ALG14: variants seen among roughly 807,000 people sequenced by gnomAD.
ALG14 encodes the protein UDP-N-acetylglucosamine transferase subunit ALG14.
ALG14 carries 17 observed loss-of-function variants against 22.8 expected under a neutral mutation model. The observed-to-expected ratio is 0.75, with a 90% confidence interval of 0.51 to 1.12. The LOEUF (loss-of-function observed/expected upper bound fraction) is 1.12. ALG14 is among the 50% of genes most tolerant of loss of function. The pLI is 0.00. For missense variants in ALG14, 288 were observed against 271.8 expected, an observed-to-expected ratio of 1.06 and a Z score of -0.42; for synonymous variants, 89 against 103.7, an observed-to-expected ratio of 0.86 and a Z score of 0.86.
rs1284320178 is a variant in ALG14, at chr1:94,980,236, T to C, written c.*2840A>G. ...GGACATCTTGCTATTCAACTCACAATTGTCACCACTCCTCTTGTTGACACG... is the reference window on the plus strand; with the variant it reads ...GGACATCTTGCTATTCAACTCACAACTGTCACCACTCCTCTTGTTGACACG... On this transcript the variant is annotated 3_prime_UTR_variant, in exon 4 of 4. Coordinates refer to ENST00000370205, the MANE Select transcript of ALG14 (RefSeq NM_144988.4). 6.6e-6 allele frequency: 1 copy of C among 152,172 alleles called. No homozygotes were observed. The highest frequency in any genetic ancestry group is 1.9e-4 in the East Asian group (1 of 5,188). 9.4% of individuals were successfully genotyped at this position (152,172 alleles called of 1,614,324 possible).
At chr1:95,001,238 AG>A (rs1208182362) in intron 3 of ALG14, among the ~76,000 whole-genome samples, 1 of 152,198 alleles carries the variant, frequency 6.6e-6, no homozygotes, top group Non-Finnish European at 1.5e-5. Context: ...CAGTGAGTTT[AG>A]GAGGACAGAT....
chr1:95,030,771 G>A (rs1003097946), intron 2 of ALG14, among the ~76,000 whole-genome samples: 3 of 152,158 alleles, frequency 2.0e-5, no homozygotes, highest in East Asian at 1.9e-4. Context: ...AGACCTGGAC[G>A]TGGAAGAAAG....
At chr1:94,983,692 A>C (rs1672561113) in intron 3 of ALG14, 1 of 178,084 alleles carries the variant, frequency 5.6e-6, no homozygotes, top group African/African-American at 2.4e-5. Context: ...TGTTTTCTTT[A>C]ATGTACCAAC....
At chr1:94,990,451 C>A (rs1372702916) in intron 3 of ALG14, among the ~76,000 whole-genome samples, 1 of 152,210 alleles carries the variant, frequency 6.6e-6, no homozygotes, top group Admixed American at 6.5e-5. Context: ...CAAATAAATT[C>A]TAAACCCTCG....
chr1:95,031,152 T>C (rs1320101079), intron 2 of ALG14, among the ~76,000 whole-genome samples: 3 of 152,158 alleles, frequency 2.0e-5, no homozygotes, highest in Non-Finnish European at 2.9e-5. Flanking sequence ...CCTACACTTG[T>C]TGTCTCAGCA....
At chr1:95,001,740 C>T (rs2100736189) in intron 3 of ALG14, among the ~76,000 whole-genome samples, 1 of 152,314 alleles carries the variant, frequency 6.6e-6, no homozygotes, top group East Asian at 1.9e-4. Flanking sequence ...AAGTGATCCA[C>T]CCGCCTTGGC....
chr1:95,040,612 G>T (rs942317300), intron 2 of ALG14, among the ~76,000 whole-genome samples: 2 of 152,188 alleles, frequency 1.3e-5, no homozygotes, highest in Non-Finnish European at 2.9e-5. Flanking sequence ...ACAAAAGGAA[G>T]GACGTAGGGA....
At chr1:95,038,292 C>A (rs1674263278) in intron 2 of ALG14, among the ~76,000 whole-genome samples, 1 of 152,158 alleles carries the variant, frequency 6.6e-6, no homozygotes, top group Non-Finnish European at 1.5e-5. Flanking sequence ...GTTTTGAGAC[C>A]ATCCTGGCCA....
chr1:95,008,456 ATAAAT>A (rs1184145572), intron 3 of ALG14, among the ~76,000 whole-genome samples: 1 of 152,238 alleles, frequency 6.6e-6, no homozygotes, highest in African/African-American at 2.4e-5. Context: ...AATTATTCAA[ATAAAT>A]TTAAGATGAA....
rs570596361 is a variant in ALG14, at chr1:95,011,714, C to A, written c.420+15415G>T. Among the ~76,000 whole-genome samples the A allele has an allele frequency of 2.8e-4, 42 of 151,964 alleles. No homozygotes were observed. In the South Asian group the frequency reaches 3.5e-3, roughly 13 times the overall value. On this transcript the variant is annotated intron_variant, in intron 3 of 3. Coordinates refer to ENST00000370205, the MANE Select transcript of ALG14 (RefSeq NM_144988.4). ...ACAGGTGTGAGCCGCCGTGCCCAGCCGAAAAATAAATTTCTATTGTTAATA... is the reference window on the plus strand; with the variant it reads ...ACAGGTGTGAGCCGCCGTGCCCAGCAGAAAAATAAATTTCTATTGTTAATA...
intron 3 of ALG14, among the ~76,000 whole-genome samples, chr1:95,021,698 T>C (rs933961299): frequency 1.5e-4 from 23 of 152,192 alleles, no homozygotes; most frequent in African/African-American, 5.1e-4. Flanking sequence ...AAGGCTTCCC[T>C]TCTCTTCACC....
intron 3 of ALG14, among the ~76,000 whole-genome samples, chr1:94,996,889 G>A (rs564801919): frequency 2.0e-4 from 31 of 152,136 alleles, no homozygotes; most frequent in African/African-American, 7.0e-4. Context: ...ACCGTTGTTG[G>A]CCAGGCTGGT....
At chr1:95,040,172 AAAATAAATAAATAAAT>A (rs66956744) in intron 2 of ALG14, among the ~76,000 whole-genome samples, 4 of 143,218 alleles carry the variant, frequency 2.8e-5, no homozygotes, top group South Asian at 2.3e-4. Context: ...ACCCTGTCTC[AAAATAAATAAATAAAT>A]AAATAAATAA....
At chr1:94,990,546 C>A (rs1672745955) in intron 3 of ALG14, among the ~76,000 whole-genome samples, 1 of 152,148 alleles carries the variant, frequency 6.6e-6, no homozygotes, top group Non-Finnish European at 1.5e-5. Flanking sequence ...GTGTATACAG[C>A]ATTTTGGGGT....
chr1:95,058,502 G>A lies in ALG14; in HGVS notation c.288+6364C>T, dbSNP rs1435061540. 3.4e-5 allele frequency among the ~76,000 whole-genome samples: 5 copies of A among 147,510 alleles called. No homozygotes were observed. The East Asian group carries it at 1.1e-3, about 32-fold the overall frequency. On this transcript the variant is annotated intron_variant, in intron 2 of 3. Transcript: ENST00000370205. ...CGCCGTGGCACATGCCTGTAATCCC[G>A]ACTACTTGGGAGGCTGAGTCAGGAG...
chr1:95,046,575 G>A (rs1674563218), intron 2 of ALG14, among the ~76,000 whole-genome samples: 1 of 152,238 alleles, frequency 6.6e-6, no homozygotes, highest in Non-Finnish European at 1.5e-5. Context: ...GAATGCTAGA[G>A]TGGGCAAGGG....
At chr1:95,057,892 G>T (rs1389851232) in intron 2 of ALG14, among the ~76,000 whole-genome samples, 1 of 151,814 alleles carries the variant, frequency 6.6e-6, no homozygotes, top group Non-Finnish European at 1.5e-5. Context: ...TGCTGGAAGA[G>T]AATGGAATAG....
intron 2 of ALG14, among the ~76,000 whole-genome samples, chr1:95,031,716 G>A (rs772244135): frequency 1.3e-5 from 2 of 151,246 alleles, no homozygotes; most frequent in Non-Finnish European, 1.5e-5. Context: ...CTTTCTGTGT[G>A]CTTTAAAATA....
intron 1 of ALG14, among the ~76,000 whole-genome samples, chr1:95,065,902 G>C (rs1675343339): frequency 6.6e-6 from 1 of 152,148 alleles, no homozygotes; most frequent in Non-Finnish European, 1.5e-5. Context: ...TGAAAACATT[G>C]TTTATGAAAA....
Sources: allele counts gnomAD v4.1 joint callset (sites outside exome capture counted in the v4.1 genomes callset), GRCh38; gene constraint gnomAD v4.1.1; transcripts MANE v1.5; gene names NCBI Gene and HGNC (gene_info 2026-07-23, HGNC 2026-07-21).